KRT34: variants seen among roughly 807,000 people sequenced by gnomAD.
KRT34 encodes the protein keratin, type I cuticular Ha4.
A neutral mutation model predicts 41.7 loss-of-function variants in KRT34; 31 were observed. That is an observed-to-expected ratio of 0.74 (90% confidence interval 0.56 to 1.00). The LOEUF (loss-of-function observed/expected upper bound fraction) is 1.00, where lower values mean the gene tolerates loss of function less well. KRT34 is among the 50% of genes least tolerant of loss of function. The pLI is 0.00. For synonymous variants in KRT34, 224 were observed against 212.9 expected, an observed-to-expected ratio of 1.05 and a Z score of -0.45; for missense variants, 523 against 500.3, an observed-to-expected ratio of 1.05 and a Z score of -0.43.
upstream of KRT34, among the ~76,000 whole-genome samples, chr17:41,383,788 A>G (rs1202987396): frequency 6.6e-6 from 1 of 152,218 alleles, no homozygotes; most frequent in Non-Finnish European, 1.5e-5. Context: ...CACAGTGCCC[A>G]TGAGAATGCA....
At chr17:41,378,685 T>C in intron 6 of KRT34, among the ~76,000 whole-genome samples, 1 of 152,326 alleles carries the variant, frequency 6.6e-6, no homozygotes, top group Admixed American at 6.5e-5. Context: ...TATCTCATAC[T>C]CTTGAGGTCT....
In KRT34 at chr17:41,379,354, A is replaced by C; in HGVS notation, c.875T>G (p.Leu292Arg). ...CCAGCAGGTCTGAACAATACACACC[A>C]GGTTGTGCTGGGCCTGCAGCTCGAT... ...LEIELQAQHN[L>R]RDSLENTLTE... Residue 292 changes from leucine to arginine, a missense_variant and splice_region_variant, in exon 5 of 7, where the codon CTG (leucine) becomes CGG (arginine). Physicochemically the swap from Leu to Arg is moderately radical, Grantham distance 102. Transcript: ENST00000394001. The C allele has an allele frequency of 6.2e-7, 1 of 1,613,144 alleles. No homozygotes were observed. The highest frequency in any genetic ancestry group is 8.5e-7 in the Non-Finnish European group (1 of 1,180,016).
upstream of KRT34, among the ~76,000 whole-genome samples, chr17:41,383,082 C>T (rs900704762): frequency 9.2e-5 from 14 of 151,408 alleles, no homozygotes; most frequent in Admixed American, 7.9e-4. Context: ...TGCAGTGGCA[C>T]GATCTCGGCT....
chr17:41,380,558 T>TA (rs536326651), intron 3 of KRT34, among the ~76,000 whole-genome samples: 17 of 151,616 alleles, frequency 1.1e-4, no homozygotes, highest in Admixed American at 3.9e-4. Context: ...AACACCCAAG[T>TA]ACTGGAATCC....
Position 41,381,753 on chromosome 17 carries a change from T to C in KRT34, c.391A>G (p.Ile131Val). Residue 131 changes from isoleucine to valine, a missense_variant, in exon 2 of 7, where the codon ATT becomes GTT. By Grantham distance (29) the Ile-to-Val change is conservative. Coordinates refer to ENST00000394001, the MANE Select transcript of KRT34 (RefSeq NM_001386014.1). ...TCAGAGGCCAGCTTGGCATTGTCAATGTTCACCACCAGCCTGGCATTCTCA... is the reference window on the plus strand; with the variant it reads ...TCAGAGGCCAGCTTGGCATTGTCAACGTTCACCACCAGCCTGGCATTCTCA... ...KAENARLVVN[I>V]DNAKLASDDF... The C allele has an allele frequency of 6.2e-7, 1 of 1,614,236 alleles. No homozygotes were observed. Among genetic ancestry groups the C allele is most frequent in the Non-Finnish European group, 8.5e-7 (1 of 1,180,042 alleles).
chr17:41,380,913 G>A (rs770528817), intron 3 of KRT34, 143 bp downstream of exon 3: 35 of 812,344 alleles, frequency 4.3e-5, no homozygotes, highest in Non-Finnish European at 6.8e-5. Flanking sequence ...TCCTTGATAT[G>A]GATGTAGCAC....
rs775113601 is a variant in KRT34, at chr17:41,381,988, G to T, written c.259C>A (p.Leu87Ile). The change falls in exon 1 of 7, where the codon CTC becomes ATC. Residue 87 changes from leucine (L) to isoleucine (I), a missense_variant. Leu to Ile is a conservative substitution (Grantham distance 5). Transcript: ENST00000394001. The stretch of plus-strand genomic sequence containing the variant: ...TGCTGCTGGGACCGCTCCTGGATGA[G>T]TTTCTCCAGCTCCGCGTTGTCCCGC... ...LERDNAELEK[L>I]IQERSQQQEP... The T allele has an allele frequency of 1.5e-5, 25 of 1,614,166 alleles. No homozygotes were observed. Among genetic ancestry groups the T allele is most frequent in the Non-Finnish European group, 2.1e-5 (25 of 1,180,062 alleles).
Position 41,377,916 on chromosome 17 carries a change from C to T in KRT34, c.*143G>A, listed in dbSNP as rs552406690. 4 of 625,734 alleles carry T rather than the reference C, an allele frequency of 6.4e-6. No individual in the cohort carries two copies. Among genetic ancestry groups the T allele is most frequent in the Non-Finnish European group, 1.2e-5 (4 of 346,768 alleles). The allele number at this position is 625,734 out of a possible 1,614,324, so 38.8% of individuals were successfully genotyped here. A position where few individuals can be genotyped will look rare whatever the true frequency, so the allele number is the denominator to read the frequency against. On this transcript the variant is annotated 3_prime_UTR_variant, in exon 7 of 7. Coordinates refer to ENST00000394001, the MANE Select transcript of KRT34 (RefSeq NM_001386014.1). ...TGTGTCTTTGCTTGGGTCAGGAAAGCTTTTCAGCATTCTAGAAATAACATA... is the reference window on the plus strand; with the variant it reads ...TGTGTCTTTGCTTGGGTCAGGAAAGTTTTTCAGCATTCTAGAAATAACATA...
At chr17:41,381,248 G>A (rs375601539) in intron 2 of KRT34, 36 bp from the exon 3 acceptor site, 27 of 1,599,244 alleles carry the variant, frequency 1.7e-5, no homozygotes, top group Non-Finnish European at 2.2e-5. Flanking sequence ...AGTCAGGAAA[G>A]AAAACCACCT....
Position 41,379,107 on chromosome 17 carries a change from T to C in KRT34, c.946A>G (p.Ser316Gly). Residue 316 changes from serine to glycine, a missense_variant, in exon 6 of 7, where the codon AGC becomes GGC. Transcript: ENST00000394001. Reference protein sequence around the residue: ...HYSSQLSQVQSLITNVESQLA... With the variant: ...HYSSQLSQVQGLITNVESQLA... ...TGAGACTCCACGTTGGTGATCAGGC[T>C]CTGCACCTGGGACAGCTGGGAGCTG... is the stretch of plus-strand genomic sequence containing the variant. 3 of 1,614,202 alleles carry C rather than the reference T, an allele frequency of 1.9e-6. No homozygotes were observed. The highest frequency in any genetic ancestry group is 1.7e-6 in the Non-Finnish European group (2 of 1,180,028).
chr17:41,381,618 G>T, intron 2 of KRT34, 95 bp downstream of exon 2: 1 of 1,082,928 alleles, frequency 9.2e-7, no homozygotes, highest in Non-Finnish European at 1.4e-6. Context: ...GCCCTAGGAG[G>T]AGAAATAGAG....
intron 3 of KRT34, among the ~76,000 whole-genome samples, chr17:41,379,944 A>G (rs1379044363): frequency 6.6e-6 from 1 of 151,908 alleles, no homozygotes; most frequent in Non-Finnish European, 1.5e-5. Flanking sequence ...GCTCTGGGAA[A>G]ATGAGCTTGA....
At chr17:41,381,021 G>C (rs770829201) in intron 3 of KRT34, 35 bp downstream of exon 3, 1 of 1,607,486 alleles carries the variant, frequency 6.2e-7, no homozygotes. Flanking sequence ...TAGTAGCTTA[G>C]TTCTGAGGCC....
chr17:41,380,813 G>A (rs2017963992), intron 3 of KRT34, among the ~76,000 whole-genome samples: 1 of 152,162 alleles, frequency 6.6e-6, no homozygotes. Flanking sequence ...TCAGCAGAGA[G>A]CAGGGCTCAA....
intron 3 of KRT34, 104 bp from the exon 4 acceptor site, chr17:41,379,835 T>C: frequency 8.3e-7 from 1 of 1,206,586 alleles, no homozygotes; most frequent in Non-Finnish European, 1.1e-6. Context: ...AAAAGGAATA[T>C]TCTGATCATT....
upstream of KRT34, among the ~76,000 whole-genome samples, chr17:41,383,739 G>A (rs2018040856): frequency 6.6e-6 from 1 of 152,268 alleles, no homozygotes; most frequent in Non-Finnish European, 1.5e-5. Flanking sequence ...CTCTCCTAGA[G>A]GTATGACTAT....
intron 3 of KRT34, among the ~76,000 whole-genome samples, chr17:41,380,083 A>G (rs2017948647): frequency 6.6e-6 from 1 of 152,026 alleles, no homozygotes; most frequent in Non-Finnish European, 1.5e-5. Flanking sequence ...ACATGGTGAA[A>G]CCCCATCTCT....
Position 41,379,147 on chromosome 17 carries a change from C to G in KRT34, c.906G>C (p.Glu302Asp), listed in dbSNP as rs746536930. ...LRDSLENTLT[E>D]SEAHYSSQLS... is the part of the protein sequence containing the mutation. ...GCTGGGAGCTGTAGTGGGCCTCGCT[C>G]TCCGTCAGCGTGTTTTCCAGAGAGT... is the stretch of plus-strand genomic sequence containing the variant. The change falls in exon 6 of 7, where the codon GAG becomes GAC. Residue 302 changes from glutamate to aspartate, a missense_variant. Coordinates refer to ENST00000394001, the MANE Select transcript of KRT34 (RefSeq NM_001386014.1). 1 of 1,614,232 alleles carries G rather than the reference C, an allele frequency of 6.2e-7. No homozygotes were observed. Among genetic ancestry groups the G allele is most frequent in the Non-Finnish European group, 8.5e-7 (1 of 1,180,048 alleles).
Position 41,379,709 on chromosome 17 carries a change from T to C in KRT34, c.611A>G (p.Gln204Arg). The part of the protein sequence containing the change: ...HEEEVNTLRS[Q>R]LGDRLNVEVD... ...CTCCACGTTGAGGCGGTCTCCAAGC[T>C]GGGAGCGCAGGGTGTTAACCTCCTG... Residue 204 changes from glutamine to arginine, a missense_variant, in exon 4 of 7, where the codon CAG becomes CGG. Transcript: ENST00000394001. 6.2e-7 allele frequency: 1 copy of C among 1,611,364 alleles called. No homozygotes were observed. Among genetic ancestry groups the C allele is most frequent in the East Asian group, 2.2e-5 (1 of 44,884 alleles).
Sources: gnomAD v4.1 joint callset for allele counts (sites outside exome capture counted in the v4.1 genomes callset) on GRCh38, gnomAD v4.1.1 for gene constraint, MANE v1.5 for transcripts, NCBI Gene and HGNC (gene_info 2026-07-23, HGNC 2026-07-21) for gene names.